The following MUCL3 variants were observed in gnomAD, a reference collection of about 807,000 sequenced individuals.
MUCL3 encodes mucin like 3.
A neutral mutation model predicts 70.2 loss-of-function variants in MUCL3; 42 were observed. The ratio of observed to expected loss-of-function variants is 0.60; its 90% CI spans 0.47 to 0.77. The LOEUF (loss-of-function observed/expected upper bound fraction) is 0.77. Ranked by LOEUF, MUCL3 falls within the 30% of genes least tolerant of loss-of-function variation. The pLI is 0.00. For synonymous variants in MUCL3, 522 were observed against 647.0 expected, an observed-to-expected ratio of 0.81 and a Z score of 2.93; for missense variants, 1,429 against 1,670.0, an observed-to-expected ratio of 0.86 and a Z score of 2.52.
intron 1 of MUCL3, 33 bp from the exon 2 acceptor site, chr6:30,948,514 G>T: frequency 3.4e-6 from 5 of 1,458,150 alleles, no homozygotes; most frequent in South Asian, 1.4e-5. Flanking sequence ...AGAACATGGG[G>T]GAAGTTTCTT....
intron 2 of MUCL3, 64 bp from the exon 3 acceptor site, chr6:30,952,907 G>C: frequency 6.3e-7 from 1 of 1,581,110 alleles, no homozygotes; most frequent in Admixed American, 1.8e-5. Flanking sequence ...CAAGACCTGA[G>C]GTGAGTGTTG....
rs536554773 is a variant in MUCL3, at chr6:30,950,843, G to A, written c.2379G>A (p.Lys793=). The A allele has an allele frequency of 1.4e-5, 21 of 1,540,258 alleles. No individual in the cohort carries two copies. The highest frequency in any genetic ancestry group is 1.3e-4 in the African/African-American group (9 of 69,108). ...NGKRTPFANE[K]TTSSSAEPTE... ...AAAGGACCCCATTTGCCAATGAGAA[G>A]ACCACATCATCCTCAGCAGAGCCTA... The change falls in exon 2 of 3, where the codon AAG becomes AAA. Residue 793 remains lysine (K), a synonymous_variant. Coordinates refer to ENST00000462446, the MANE Select transcript of MUCL3 (RefSeq NM_080870.4).
In MUCL3 at chr6:30,952,184, GAC is replaced by G. The variant is rs1562495686; in HGVS notation, c.3721_3722del (p.Thr1241TyrfsTer22). 1.2e-5 allele frequency: 20 copies of G among 1,613,846 alleles called. No individual in the cohort carries two copies. Among genetic ancestry groups the G allele is most frequent in the Non-Finnish European group, 1.7e-5 (20 of 1,179,978 alleles). On this transcript the variant is annotated frameshift_variant, in exon 2 of 3. Coordinates refer to ENST00000462446, the MANE Select transcript of MUCL3 (RefSeq NM_080870.4). LOFTEE classifies it high-confidence loss of function. ...CAGAAAAAACAGCAGCAGTCACAAA[GAC>G]TATAAAACCTTCAGTCAAGGTCACA... ...NPEKTAAVTK[T>X]IKPSVKVTGD...
At chr6:30,946,493 C>G (rs1291545521) in intron 1 of MUCL3, 1 of 152,192 alleles carries the variant, frequency 6.6e-6, no homozygotes, top group African/African-American at 2.4e-5. Flanking sequence ...AGTCATTCAT[C>G]CCTTATCATG....
intron 1 of MUCL3, among the ~76,000 whole-genome samples, chr6:30,941,399 G>A (rs1005314953): frequency 1.3e-5 from 2 of 151,860 alleles, no homozygotes; most frequent in South Asian, 2.1e-4. Flanking sequence ...ATTGAGCACC[G>A]TGCACGGAAT....
chr6:30,950,933 A>G lies in MUCL3; in HGVS notation c.2469A>G (p.Thr823=). 6.5e-7 allele frequency: 1 copy of G among 1,549,702 alleles called. No individual in the cohort carries two copies. Among genetic ancestry groups the G allele is most frequent in the Non-Finnish European group, 8.7e-7 (1 of 1,146,700 alleles). The change falls in exon 2 of 3, where the codon ACA becomes ACG. Residue 823 remains threonine, a synonymous_variant. Coordinates refer to ENST00000462446, the MANE Select transcript of MUCL3 (RefSeq NM_080870.4). ...ENTTSSPAEP[T]ENRERTANEK... The stretch of plus-strand genomic sequence containing the variant: ...CCACATCATCCCCAGCAGAGCCTAC[A>G]GAAAATAGAGAAAGGACAGCCAATG...
chr6:30,953,113 G>A lies in MUCL3; in HGVS notation c.4178G>A (p.Arg1393Gln), dbSNP rs2240804. 0.32 allele frequency: 516,843 copies of A among 1,613,778 alleles called. 87,566 individuals carry two copies. Among genetic ancestry groups the A allele is most frequent in the Non-Finnish European group, 0.35 (413,248 of 1,179,912 alleles). Reference protein sequence around the residue: ...NLGMGQIPSPR With the variant: ...NLGMGQIPSPQ ...GGCATGGGCCAGATCCCTTCCCCACGGTGATCTTGGAGTAGGCGCCCAGCC... is the reference window on the plus strand; with the variant it reads ...GGCATGGGCCAGATCCCTTCCCCACAGTGATCTTGGAGTAGGCGCCCAGCC... The change falls in exon 3 of 3, where the codon CGG (arginine) becomes CAG (glutamine). Residue 1393 changes from arginine (R) to glutamine (Q), a missense_variant. Transcript: ENST00000462446.
chr6:30,947,763 T>A (rs1182036899), intron 1 of MUCL3, among the ~76,000 whole-genome samples: 1 of 151,672 alleles, frequency 6.6e-6, no homozygotes, highest in East Asian at 1.9e-4. Flanking sequence ...TTTAAATGTG[T>A]GAAGAGGGGG....
Position 30,953,404 on chromosome 6 carries a change from G to C in MUCL3, c.*287G>C. Reference sequence around the variant, plus strand: ...AAGGTGTTTGATGGACATGTTGTGGGGGCACCAATGCAGAACACTGCACTG... The same window carrying C: ...AAGGTGTTTGATGGACATGTTGTGGCGGCACCAATGCAGAACACTGCACTG... On this transcript the variant is annotated 3_prime_UTR_variant, in exon 3 of 3. Transcript: ENST00000462446. 1 of 511,626 alleles carries C rather than the reference G, an allele frequency of 2.0e-6. No individual in the cohort carries two copies. Among genetic ancestry groups the C allele is most frequent in the East Asian group, 3.3e-5 (1 of 29,882 alleles). The allele number at this position is 511,626 out of a possible 1,614,324, so 31.7% of individuals were successfully genotyped here. A position where few individuals can be genotyped will look rare whatever the true frequency, so the allele number is the denominator to read the frequency against.
intron 1 of MUCL3, among the ~76,000 whole-genome samples, chr6:30,944,766 T>C (rs1795719713): frequency 6.6e-6 from 1 of 152,216 alleles, no homozygotes; most frequent in Non-Finnish European, 1.5e-5. Context: ...AACAGTTCTT[T>C]TCGGGCTATG....
intron 1 of MUCL3, among the ~76,000 whole-genome samples, chr6:30,942,420 T>C (rs1213325998): frequency 3.9e-5 from 6 of 152,118 alleles, no homozygotes; most frequent in African/African-American, 1.2e-4. Flanking sequence ...ATCTACCCAC[T>C]GGACAGTCAT....
Position 30,952,496 on chromosome 6 carries a change from C to G in MUCL3, c.4032C>G (p.Phe1344Leu), listed in dbSNP as rs996874986. 1.3e-6 allele frequency: 2 copies of G among 1,595,112 alleles called. No homozygotes were observed. Among genetic ancestry groups the G allele is most frequent in the Non-Finnish European group, 1.7e-6 (2 of 1,171,700 alleles). Residue 1344 changes from phenylalanine (F) to leucine (L), a missense_variant, in exon 2 of 3, where the codon TTC (phenylalanine) becomes TTG (leucine). By Grantham distance (22) the Phe-to-Leu change is conservative. Transcript: ENST00000462446. ...TCCTGGTGTTCCTTGGCCTGATCTT[C>G]TTGGTAAGGGACAGATGTGCCCCAC... ...ILLLVFLGLI[F>L]LVSYMMRTRR... is the part of the protein sequence containing the mutation.
Position 30,951,301 on chromosome 6 carries a change from G to A in MUCL3, c.2837G>A (p.Gly946Glu), listed in dbSNP as rs199614075. The change falls in exon 2 of 3, where the codon GGA becomes GAA. Residue 946 changes from glycine to glutamate, a missense_variant. Coordinates refer to ENST00000462446, the MANE Select transcript of MUCL3 (RefSeq NM_080870.4). ...TCCCGAGCAGAGCCTACAGAACATGGAGAAAGGATAGCCAATGAGAAGGCC... is the reference window on the plus strand; with the variant it reads ...TCCCGAGCAGAGCCTACAGAACATGAAGAAAGGATAGCCAATGAGAAGGCC... ...TPSRAEPTEH[G>E]ERIANEKATP... The A allele has an allele frequency of 2.6e-6, 4 of 1,550,278 alleles. No individual in the cohort carries two copies. In the African/African-American group the frequency reaches 5.5e-5, roughly 21 times the overall value.
chr6:30,945,391 T>C (rs932927208), intron 1 of MUCL3, among the ~76,000 whole-genome samples: 2 of 149,500 alleles, frequency 1.3e-5, no homozygotes, highest in African/African-American at 5.0e-5. Flanking sequence ...ATAATCCTAA[T>C]ATTTTAGGAG....
rs777194144 is a variant in MUCL3 at position 30,941,036 on chromosome 6, G to A, written c.37G>A (p.Gly13Ser). 6.4e-7 allele frequency: 1 copy of A among 1,550,618 alleles called. No homozygotes were observed. Among genetic ancestry groups the A allele is most frequent in the South Asian group, 1.2e-5 (1 of 84,056 alleles). ...QPVHSLCSAF[G>S]LQCCLLFLLA... ...GGTCCACAGCCTCTGCTCCGCCTTT[G>A]GCCTCCAGTGCTGCCTCCTCTTCCT... Residue 13 changes from glycine to serine, a missense_variant, in exon 1 of 3, where the codon GGC (glycine) becomes AGC (serine). Coordinates refer to ENST00000462446, the MANE Select transcript of MUCL3 (RefSeq NM_080870.4).
chr6:30,952,939 T>C, intron 2 of MUCL3, 32 bp from the exon 3 acceptor site: 3 of 1,611,030 alleles, frequency 1.9e-6, no homozygotes, highest in South Asian at 1.1e-5. Context: ...TCGCAGATGG[T>C]TCTCATTCCT....
rs1193855650 is a variant in MUCL3, at chr6:30,951,403, C to T, written c.2939C>T (p.Pro980Leu). 6.5e-7 allele frequency: 1 copy of T among 1,548,796 alleles called. No homozygotes were observed. The highest frequency in any genetic ancestry group is 8.7e-7 in the Non-Finnish European group (1 of 1,144,770). ...GACACCACACCATCCTCAGCAGAGC[C>T]TACAGAAAATGGAGAAAGGACCCCA... ...NEDTTPSSAEPTENGERTPLA... is the reference protein window; with the variant it reads ...NEDTTPSSAELTENGERTPLA... Residue 980 changes from proline (P) to leucine (L), a missense_variant, in exon 2 of 3, where the codon CCT (proline) becomes CTT (leucine). Transcript: ENST00000462446.
rs1423064346 is a variant in MUCL3, at chr6:30,948,788, C to T, written c.324C>T (p.His108=). The change falls in exon 2 of 3, where the codon CAC becomes CAT. Residue 108 remains histidine, a synonymous_variant. Transcript: ENST00000462446. ...KPTGNSKTID[H]KSSTDNHEAP... ...CAGGCAACTCCAAAACTATAGACCACAAAAGCTCTACAGATAATCATGAGG... is the reference window on the plus strand; with the variant it reads ...CAGGCAACTCCAAAACTATAGACCATAAAAGCTCTACAGATAATCATGAGG... 1 of 1,551,630 alleles carries T rather than the reference C, an allele frequency of 6.4e-7. No homozygotes were observed. Among genetic ancestry groups the T allele is most frequent in the South Asian group, 1.2e-5 (1 of 84,060 alleles).
In MUCL3 at chr6:30,948,852, A is replaced by G. The variant is rs1760443722; in HGVS notation, c.388A>G (p.Lys130Glu). The G allele has an allele frequency of 1.3e-6, 2 of 1,551,548 alleles. No homozygotes were observed. The highest frequency in any genetic ancestry group is 2.4e-5 in the South Asian group (2 of 84,058). ...TSEENSSNQGKDPMIRNQRSV... is the reference protein window; with the variant it reads ...TSEENSSNQGEDPMIRNQRSV... ...TGAAGAAAACTCCAGCAACCAAGGG[A>G]AAGACCCAATGATCCGGAACCAGCG... is the stretch of plus-strand genomic sequence containing the variant. The change falls in exon 2 of 3, where the codon AAA becomes GAA. Residue 130 changes from lysine (K) to glutamate (E), a missense_variant. Physicochemically the swap from Lys to Glu is moderately conservative, Grantham distance 56 (BLOSUM62 1). Coordinates refer to ENST00000462446, the MANE Select transcript of MUCL3 (RefSeq NM_080870.4).
Sources: gnomAD v4.1 joint callset for allele counts (sites outside exome capture counted in the v4.1 genomes callset) on GRCh38, gnomAD v4.1.1 for gene constraint, MANE v1.5 for transcripts, NCBI Gene and HGNC (gene_info 2026-07-23, HGNC 2026-07-21) for gene names.